The following PDE4D variants were observed in gnomAD, a reference collection of about 807,000 sequenced individuals.
PDE4D encodes the protein phosphodiesterase 4D, also known as 3',5'-cyclic-AMP phosphodiesterase 4D.
A neutral mutation model predicts 87.4 loss-of-function variants in PDE4D; 24 were observed. The ratio of observed to expected loss-of-function variants is 0.27; its 90% CI spans 0.20 to 0.39. The LOEUF (loss-of-function observed/expected upper bound fraction) is 0.39, where lower values mean the gene tolerates loss of function less well. Ranked by LOEUF, PDE4D falls within the 10% of genes least tolerant of loss-of-function variation. The pLI is 1.00. For synonymous variants in PDE4D, 384 were observed against 383.2 expected, an observed-to-expected ratio of 1.00 and a Z score of -0.02; for missense variants, 714 against 1,041.0, an observed-to-expected ratio of 0.69 and a Z score of 4.32.
intron 2 of PDE4D, among the ~76,000 whole-genome samples, chr5:60,166,025 G>A (rs550208260): frequency 2.6e-5 from 4 of 152,160 alleles, no homozygotes; most frequent in Admixed American, 1.3e-4. Flanking sequence ...TGCATTTTGT[G>A]TTGTGTGTAC....
At chr5:59,435,560 C>T (rs532058737) in intron 1 of PDE4D, among the ~76,000 whole-genome samples, 1 of 152,014 alleles carries the variant, frequency 6.6e-6, no homozygotes, top group South Asian at 2.1e-4. Flanking sequence ...ACTTAGAAGC[C>T]TCTCATCTAT....
At chr5:59,790,989 G>C (rs756918051) in intron 1 of PDE4D, among the ~76,000 whole-genome samples, 68 of 152,304 alleles carry the variant, frequency 4.5e-4, no homozygotes, top group Admixed American at 2.0e-3. Context: ...GGAGGTGGGA[G>C]TGCACTGTTA....
intron 1 of PDE4D, among the ~76,000 whole-genome samples, chr5:59,232,450 G>A (rs952663491): frequency 6.7e-6 from 1 of 150,082 alleles, no homozygotes; most frequent in African/African-American, 2.5e-5. Flanking sequence ...TAATCATCAG[G>A]GAACTATAAA....
chr5:58,976,528 A>C, intron 12 of PDE4D, 56 bp from the exon 13 acceptor site: 1 of 1,323,984 alleles, frequency 7.6e-7, no homozygotes, highest in Non-Finnish European at 1.1e-6. Context: ...ACACATGAAA[A>C]TATTACGCAG....
At chr5:59,011,689 T>A (rs1048824138) in intron 6 of PDE4D, among the ~76,000 whole-genome samples, 4 of 152,196 alleles carry the variant, frequency 2.6e-5, no homozygotes, top group African/African-American at 9.6e-5. Context: ...TTGGTGTACC[T>A]GAAAGTGATG....
chr5:59,146,651 G>A (rs970156109), intron 5 of PDE4D, among the ~76,000 whole-genome samples: 5 of 151,850 alleles, frequency 3.3e-5, no homozygotes, highest in Non-Finnish European at 5.9e-5. Context: ...GTACTTGGAA[G>A]TTCTTCTTAT....
intron 1 of PDE4D, among the ~76,000 whole-genome samples, chr5:59,545,229 A>G (rs1193010388): frequency 1.3e-5 from 2 of 152,166 alleles, no homozygotes; most frequent in Non-Finnish European, 2.9e-5. Flanking sequence ...CAGTGCCTAG[A>G]ACAGTGCCTG....
chr5:59,818,090 G>A (rs938139799), intron 1 of PDE4D, among the ~76,000 whole-genome samples: 5 of 152,200 alleles, frequency 3.3e-5, no homozygotes, highest in Non-Finnish European at 7.3e-5. Flanking sequence ...CCAAAGGCAA[G>A]CCCTGGCCTG....
At chr5:60,268,117 A>AG (rs1750417473) in intron 1 of PDE4D, among the ~76,000 whole-genome samples, 1 of 152,236 alleles carries the variant, frequency 6.6e-6, no homozygotes, top group Non-Finnish European at 1.5e-5. Flanking sequence ...AAAATTCTAG[A>AG]GCAGACAGAT....
intron 5 of PDE4D, among the ~76,000 whole-genome samples, chr5:59,064,989 A>G (rs1316554823): frequency 6.6e-6 from 1 of 151,690 alleles, no homozygotes; most frequent in African/African-American, 2.4e-5. Context: ...ACTGCAGCAT[A>G]TTTGTAATAG....
chr5:59,861,032 T>C (rs988997782), intron 1 of PDE4D, among the ~76,000 whole-genome samples: 1 of 150,826 alleles, frequency 6.6e-6, no homozygotes, highest in African/African-American at 2.4e-5. Flanking sequence ...GATAATTTTT[T>C]TTTTTTTTTT....
At chr5:59,694,610 T>C (rs914605364) in intron 1 of PDE4D, among the ~76,000 whole-genome samples, 1 of 152,188 alleles carries the variant, frequency 6.6e-6, no homozygotes, top group Admixed American at 6.6e-5. Flanking sequence ...TGGGAGACTA[T>C]TAAGAGACTC....
chr5:59,954,173 C>G (rs997492653), intron 3 of PDE4D, among the ~76,000 whole-genome samples: 11 of 152,328 alleles, frequency 7.2e-5, no homozygotes, highest in African/African-American at 2.6e-4. Flanking sequence ...ATCCACCGGC[C>G]TCGGTCTCCC....
chr5:60,415,290 G>A (rs1310055874), intron 1 of PDE4D, among the ~76,000 whole-genome samples: 2 of 152,256 alleles, frequency 1.3e-5, no homozygotes, highest in African/African-American at 4.8e-5. Context: ...GTGACAGCAT[G>A]CTGACAGCCC....
At chr5:59,040,979 A>T (rs971955739) in intron 5 of PDE4D, among the ~76,000 whole-genome samples, 1 of 152,192 alleles carries the variant, frequency 6.6e-6, no homozygotes, top group South Asian at 2.1e-4. Context: ...GCTTATTGTT[A>T]TCAAGAATAC....
At chr5:59,282,446 G>A (rs1017430294) in intron 1 of PDE4D, among the ~76,000 whole-genome samples, 1 of 151,858 alleles carries the variant, frequency 6.6e-6, no homozygotes, top group Non-Finnish European at 1.5e-5. Flanking sequence ...TTTGAGACCA[G>A]CCTGGCAAAC....
intron 1 of PDE4D, among the ~76,000 whole-genome samples, chr5:59,697,003 A>T (rs904196574): frequency 1.3e-5 from 2 of 152,224 alleles, no homozygotes; most frequent in Admixed American, 6.5e-5. Context: ...AATTCAAGGA[A>T]GAGTACTTTC....
chr5:60,008,208 C>T (rs1312458857), intron 2 of PDE4D, among the ~76,000 whole-genome samples: 1 of 151,938 alleles, frequency 6.6e-6, no homozygotes, highest in Non-Finnish European at 1.5e-5. Flanking sequence ...CCTTGTTTTA[C>T]AGGCCATGAA....
intron 2 of PDE4D, among the ~76,000 whole-genome samples, chr5:60,138,848 T>C (rs1780277691): frequency 2.6e-5 from 4 of 152,158 alleles, no homozygotes; most frequent in Admixed American, 2.6e-4. Flanking sequence ...ATAATTGCAA[T>C]ATTGGTATCT....
Sources: allele counts gnomAD v4.1 joint callset (sites outside exome capture counted in the v4.1 genomes callset), GRCh38; gene constraint gnomAD v4.1.1; transcripts MANE v1.5; gene names NCBI Gene and HGNC (gene_info 2026-07-23, HGNC 2026-07-21).